TFB2M: variants seen among roughly 807,000 people sequenced by gnomAD.
TFB2M encodes the protein transcription factor B2, mitochondrial.
A neutral mutation model predicts 41.3 loss-of-function variants in TFB2M; 44 were observed. The observed-to-expected ratio is 1.07, with a 90% CI of 0.84 to 1.37. The LOEUF (loss-of-function observed/expected upper bound fraction) is 1.37, where lower values mean the gene tolerates loss of function less well. Ranked by LOEUF, TFB2M falls within the 40% of genes most tolerant of loss-of-function variation. The probability of loss-of-function intolerance (pLI) is 0.00; values close to 1 mark genes in which losing one functional copy is unlikely to be tolerated. For synonymous variants in TFB2M, 188 were observed against 176.8 expected, an observed-to-expected ratio of 1.06 and a Z score of -0.50; for missense variants, 496 against 490.2, an observed-to-expected ratio of 1.01 and a Z score of -0.11.
At chr1:246,558,864 A>G (rs1659387602) in intron 2 of TFB2M, among the ~76,000 whole-genome samples, 1 of 152,162 alleles carries the variant, frequency 6.6e-6, no homozygotes, top group Non-Finnish European at 1.5e-5. Flanking sequence ...GTAGTACTAG[A>G]GACCTTCATA....
At chr1:246,559,659 G>T (rs999581714) in intron 2 of TFB2M, among the ~76,000 whole-genome samples, 15 of 152,170 alleles carry the variant, frequency 9.9e-5, no homozygotes, top group Admixed American at 5.2e-4. Context: ...TACACATTTG[G>T]TCACATTAAT....
At chr1:246,547,142 C>G (rs1213011747) in intron 6 of TFB2M, among the ~76,000 whole-genome samples, 4 of 152,134 alleles carry the variant, frequency 2.6e-5, no homozygotes, top group African/African-American at 9.7e-5. Context: ...CGCCACCACA[C>G]CCAGCTAATT....
Position 246,565,510 on chromosome 1 carries a change from G to A in TFB2M, c.313+316C>T, listed in dbSNP as rs1325631197. Among the ~76,000 whole-genome samples the A allele has an allele frequency of 2.0e-5, 3 of 152,266 alleles. 1 individual carries two copies. In the South Asian group the frequency reaches 6.2e-4, roughly 32 times the overall value. ...GGGAGGATCACGAGGTCAAGAGATCGAGACCATCCTGGCCAACACGGCGAA... is the reference window on the plus strand; with the variant it reads ...GGGAGGATCACGAGGTCAAGAGATCAAGACCATCCTGGCCAACACGGCGAA... On this transcript the variant is annotated intron_variant, in intron 1 of 7. Coordinates refer to ENST00000366514, the MANE Select transcript of TFB2M (RefSeq NM_022366.3).
chr1:246,556,799 C>T (rs989269535), intron 3 of TFB2M, 78 bp from the exon 4 acceptor site: 1 of 1,166,046 alleles, frequency 8.6e-7, no homozygotes, highest in Non-Finnish European at 1.2e-6. Context: ...TTGAGACAAA[C>T]TAAGTTAACA....
At chr1:246,545,705 T>C (rs1659000996) in intron 6 of TFB2M, among the ~76,000 whole-genome samples, 1 of 149,758 alleles carries the variant, frequency 6.7e-6, no homozygotes. Flanking sequence ...CCCAGCTACT[T>C]AGGAGGCTCA....
intron 6 of TFB2M, among the ~76,000 whole-genome samples, chr1:246,546,985 T>A (rs866213277): frequency 1.7e-3 from 111 of 64,632 alleles, no homozygotes; most frequent in African/African-American, 0.01. Context: ...ACACACACAT[T>A]TTTTTTTTTT....
chr1:246,563,438 T>C (rs60524705), intron 2 of TFB2M, among the ~76,000 whole-genome samples: 5,169 of 152,012 alleles, frequency 0.034, 322 homozygotes, highest in African/African-American at 0.12. Flanking sequence ...ACCCCGTCAC[T>C]ACTAAAAATA....
At chr1:246,563,296 C>G (rs1268711819) in intron 2 of TFB2M, among the ~76,000 whole-genome samples, 1 of 150,784 alleles carries the variant, frequency 6.6e-6, no homozygotes, top group Admixed American at 6.6e-5. Flanking sequence ...GATGGCTTAT[C>G]AGAAGCATAT....
At chr1:246,563,118 A>G (rs1364796357) in intron 2 of TFB2M, among the ~76,000 whole-genome samples, 2 of 152,034 alleles carry the variant, frequency 1.3e-5, no homozygotes, top group Non-Finnish European at 2.9e-5. Context: ...AGGAGACTGA[A>G]AGCCTGCCGC....
chr1:246,544,572 A>T lies in TFB2M; in HGVS notation c.968T>A (p.Leu323Ter). The change falls in exon 7 of 8, where the codon TTG becomes TAG. Residue 323 changes from leucine (L) to a stop codon, truncating the protein, a stop_gained. Transcript: ENST00000366514. LOFTEE classifies it high-confidence loss of function. The stretch of plus-strand genomic sequence containing the variant: ...GCGCCTCCCAAAACAGTGCTTTAAC[A>T]AGTGAAAAAATATATTATAGTTCAT... Reference protein sequence around the residue: ...TPMNYNIFFHLLKHCFGRRSA... With the variant: ...TPMNYNIFFH 6 of 1,610,808 alleles carry T rather than the reference A, an allele frequency of 3.7e-6. No homozygotes were observed. Among genetic ancestry groups the T allele is most frequent in the Non-Finnish European group, 5.1e-6 (6 of 1,179,300 alleles).
At chr1:246,564,518 CGTTATTACCTG>C (rs774308298) in intron 1 of TFB2M, 84 bp from the exon 2 acceptor site, 91 of 1,246,032 alleles carry the variant, frequency 7.3e-5, no homozygotes, top group Non-Finnish European at 1.0e-4. Context: ...ATGTTTCACA[CGTTATTACCTG>C]GTTTTTAAAT....
intron 6 of TFB2M, among the ~76,000 whole-genome samples, chr1:246,547,596 T>C (rs756872586): frequency 7.9e-5 from 12 of 151,736 alleles, no homozygotes; most frequent in Admixed American, 5.9e-4. Flanking sequence ...AAAACATAAG[T>C]AAGCAAACAA....
chr1:246,554,100 G>C (rs1659254751), intron 4 of TFB2M, among the ~76,000 whole-genome samples: 2 of 152,176 alleles, frequency 1.3e-5, no homozygotes, highest in South Asian at 2.1e-4. Flanking sequence ...GTAAAGAACA[G>C]TCTTTCCACA....
chr1:246,543,081 A>C (rs1658907849), intron 7 of TFB2M, among the ~76,000 whole-genome samples: 1 of 149,662 alleles, frequency 6.7e-6, no homozygotes, highest in African/African-American at 2.5e-5. Flanking sequence ...ACAGCCTCCA[A>C]TCCCCGGCCT....
At chr1:246,550,372 T>A (rs1391332581) in intron 5 of TFB2M, among the ~76,000 whole-genome samples, 1 of 151,860 alleles carries the variant, frequency 6.6e-6, no homozygotes, top group Admixed American at 6.6e-5. Context: ...GATGAGAGCA[T>A]GACAGACACG....
intron 2 of TFB2M, among the ~76,000 whole-genome samples, chr1:246,559,875 GA>G (rs1312840047): frequency 2.0e-5 from 3 of 152,196 alleles, no homozygotes; most frequent in Admixed American, 2.0e-4. Flanking sequence ...CTAATGACAA[GA>G]AACTGAGAAT....
intron 5 of TFB2M, 115 bp from the exon 6 acceptor site, chr1:246,548,722 T>C: frequency 1.2e-6 from 1 of 869,494 alleles, no homozygotes; most frequent in Non-Finnish European, 1.8e-6. Flanking sequence ...TCAGTCTAAT[T>C]GGATTTAAAA....
Position 246,565,870 on chromosome 1 carries a change from C to A in TFB2M, c.269G>T (p.Gly90Val), listed in dbSNP as rs1303221272. ...LAETLAQIYL[G>V]KPSRPPHLLL... ...TAGGTGTGGAGGTCTACTTGGTTTT[C>A]CCAAATAGATTTGCGCCAGGGTCTC... Residue 90 changes from glycine (G) to valine (V), a missense_variant, in exon 1 of 8, where the codon GGA becomes GTA. Transcript: ENST00000366514. 4 of 1,609,248 alleles carry A rather than the reference C, an allele frequency of 2.5e-6. No individual in the cohort carries two copies. The highest frequency in any genetic ancestry group is 3.4e-6 in the Non-Finnish European group (4 of 1,175,896).
intron 4 of TFB2M, among the ~76,000 whole-genome samples, chr1:246,553,359 G>A (rs1393145938): frequency 2.0e-5 from 3 of 152,072 alleles, no homozygotes; most frequent in Non-Finnish European, 4.4e-5. Flanking sequence ...TAACTTAAAA[G>A]CTAGTAATTA....
Sources: allele counts gnomAD v4.1 joint callset (sites outside exome capture counted in the v4.1 genomes callset), GRCh38; gene constraint gnomAD v4.1.1; transcripts MANE v1.5; gene names NCBI Gene and HGNC (gene_info 2026-07-23, HGNC 2026-07-21).